Variants in IL23R observed in about 807,000 individuals in gnomAD.
IL23R encodes the protein interleukin-23 receptor.
Under a neutral mutation model 56.9 loss-of-function variants are expected in IL23R, and 34 were observed. The observed-to-expected ratio is 0.60, with a 90% CI of 0.45 to 0.80. IL23R has a LOEUF of 0.80. Among genes scored for constraint, IL23R ranks in the 30% least tolerant of loss-of-function variants. The pLI, the probability that IL23R is intolerant of heterozygous loss-of-function variation, is 0.00. For synonymous variants in IL23R, 230 were observed against 249.2 expected (o/e 0.92, Z 0.73); for missense variants, 635 against 730.0 (o/e 0.87, Z 1.50).
chr1:67,243,939 A>T (rs1652025854), intron 9 of IL23R, among the ~76,000 whole-genome samples: 1 of 152,130 alleles, frequency 6.6e-6, no homozygotes, highest in Admixed American at 6.6e-5. Flanking sequence ...GTGTAAAAGC[A>T]TTCCTATTTC....
chr1:67,243,196 G>A (rs994821211), intron 9 of IL23R, among the ~76,000 whole-genome samples: 3 of 152,108 alleles, frequency 2.0e-5, no homozygotes, highest in Admixed American at 1.3e-4. Flanking sequence ...TCCAATTTAG[G>A]TGCATAGCAC....
intron 6 of IL23R, among the ~76,000 whole-genome samples, chr1:67,210,370 G>T (rs899079453): frequency 5.3e-5 from 8 of 152,114 alleles, no homozygotes; most frequent in Non-Finnish European, 1.2e-4. Context: ...TAAAAGAAAT[G>T]CTATTTGATT....
downstream of IL23R, chr1:67,260,074 A>G (rs1456743423): frequency 6.6e-6 from 1 of 152,262 alleles, no homozygotes. Flanking sequence ...AGATAAAAAT[A>G]TAGCCCCAAA....
chr1:67,206,884 C>CTTTTTTTT lies in IL23R; in HGVS notation c.653-12_653-5dup, dbSNP rs557919248. On this transcript the variant is annotated intron_variant, in intron 5 of 10. Transcript: ENST00000347310. ...CTAGGCAAGTTTTAAACAGCCAGGT[C>CTTTTTTTT]TTTTTTTTTTTTTTTTTTTTTCTAG... 152 of 1,190,652 alleles carry CTTTTTTTT rather than the reference C, an allele frequency of 1.3e-4. 4 individuals are homozygous for CTTTTTTTT. Among genetic ancestry groups the CTTTTTTTT allele is most frequent in the East Asian group, 6.5e-4 (18 of 27,694 alleles). 73.8% of individuals were successfully genotyped at this position (1,190,652 alleles called of 1,614,324 possible).
chr1:67,149,328 A>C (rs1646708435), intron 1 of IL23R, among the ~76,000 whole-genome samples: 1 of 152,170 alleles, frequency 6.6e-6, no homozygotes, highest in Non-Finnish European at 1.5e-5. Flanking sequence ...GCAGATTTGC[A>C]GTGAGAAAGA....
intron 1 of IL23R, among the ~76,000 whole-genome samples, chr1:67,143,063 AT>A (rs767193195): frequency 5.9e-5 from 9 of 151,770 alleles, no homozygotes; most frequent in Non-Finnish European, 8.8e-5. Context: ...TTTTTTTTTC[AT>A]TTCGAAGCCC....
chr1:67,146,269 C>T (rs549882622), intron 1 of IL23R, among the ~76,000 whole-genome samples: 1 of 152,248 alleles, frequency 6.6e-6, no homozygotes, highest in East Asian at 1.9e-4. Context: ...ATTTTGTGGA[C>T]TTGTAAAGTC....
chr1:67,229,646 G>A lies in IL23R; in HGVS notation c.956-7067G>A, dbSNP rs76346094. 4.0e-3 allele frequency among the ~76,000 whole-genome samples: 605 copies of A among 152,220 alleles called. 4 individuals carry two copies. Among genetic ancestry groups the A allele is most frequent in the Non-Finnish European group, 5.5e-3 (377 of 67,996 alleles). On this transcript the variant is annotated intron_variant, in intron 7 of 10. Transcript: ENST00000347310. ...CCCCATCCTGAAACTACATAGGGGC[G>A]GCCAGCCACTAGTCAGCTCGTTAGC...
At chr1:67,226,609 C>T (rs949848407) in intron 7 of IL23R, among the ~76,000 whole-genome samples, 1 of 152,188 alleles carries the variant, frequency 6.6e-6, no homozygotes, top group Non-Finnish European at 1.5e-5. Context: ...TATGAGGGTA[C>T]AGGATAGCGG....
At chr1:67,176,817 G>C (rs1647016330) in intron 3 of IL23R, among the ~76,000 whole-genome samples, 1 of 152,072 alleles carries the variant, frequency 6.6e-6, no homozygotes. Context: ...CCCGGTGTGT[G>C]ATGTTCCCCT....
chr1:67,190,382 A>AT (rs1220240721), intron 4 of IL23R, among the ~76,000 whole-genome samples: 2 of 151,208 alleles, frequency 1.3e-5, no homozygotes, highest in African/African-American at 2.4e-5. Flanking sequence ...GGCTGTTCAC[A>AT]TACCTTCTTT....
Position 67,182,014 on chromosome 1 carries a change from T to C in IL23R, c.368-822T>C, listed in dbSNP as rs559811480. Among the ~76,000 whole-genome samples the C allele has an allele frequency of 2.7e-4, 41 of 152,302 alleles. 1 individual carries two copies. The South Asian group carries it at 8.5e-3, about 32-fold the overall frequency. ...GGAAGTTTTGTCTCAGAGGAGTACC[T>C]GGCCATGTGACGTGTCAGTCTGCCC... On this transcript the variant is annotated intron_variant, in intron 3 of 10. Coordinates refer to ENST00000347310, the MANE Select transcript of IL23R (RefSeq NM_144701.3).
At chr1:67,201,884 T>C (rs539595189) in intron 5 of IL23R, among the ~76,000 whole-genome samples, 1 of 152,314 alleles carries the variant, frequency 6.6e-6, no homozygotes, top group East Asian at 1.9e-4. Flanking sequence ...TAATGTTGTC[T>C]GAATATATAG....
intron 1 of IL23R, 141 bp downstream of exon 1, chr1:67,166,682 T>C (rs759631941): frequency 6.6e-6 from 1 of 152,382 alleles, no homozygotes; most frequent in Non-Finnish European, 1.5e-5. Flanking sequence ...TATAATATTA[T>C]ATGGCATCAC....
intron 3 of IL23R, among the ~76,000 whole-genome samples, chr1:67,177,331 C>T (rs1647024344): frequency 1.3e-5 from 2 of 152,158 alleles, no homozygotes; most frequent in Non-Finnish European, 2.9e-5. Context: ...GAGATGGTAT[C>T]TCATTGTGGT....
intron 3 of IL23R, among the ~76,000 whole-genome samples, chr1:67,169,988 T>C (rs781401688): frequency 1.3e-5 from 2 of 152,260 alleles, no homozygotes; most frequent in Non-Finnish European, 2.9e-5. Flanking sequence ...ACTGCATATG[T>C]GAGGGCCAGC....
At chr1:67,149,228 G>C (rs1344471533) in intron 1 of IL23R, among the ~76,000 whole-genome samples, 1 of 152,180 alleles carries the variant, frequency 6.6e-6, no homozygotes, top group Non-Finnish European at 1.5e-5. Flanking sequence ...TGTACTTGGA[G>C]GGGGAGCATT....
chr1:67,180,715 C>T (rs1454794236), intron 3 of IL23R, among the ~76,000 whole-genome samples: 2 of 152,178 alleles, frequency 1.3e-5, no homozygotes, highest in Non-Finnish European at 2.9e-5. Context: ...TTCCTAGCCT[C>T]GATGGTCTTT....
At chr1:67,149,000 T>C (rs535447295) in intron 1 of IL23R, among the ~76,000 whole-genome samples, 1 of 152,108 alleles carries the variant, frequency 6.6e-6, no homozygotes, top group East Asian at 1.9e-4. Context: ...TCCGTGAAAA[T>C]GAATGATAGT....
Sources: gnomAD v4.1 joint callset for allele counts (sites outside exome capture counted in the v4.1 genomes callset) on GRCh38, gnomAD v4.1.1 for gene constraint, MANE v1.5 for transcripts, NCBI Gene and HGNC (gene_info 2026-07-23, HGNC 2026-07-21) for gene names.